TICRR: variants seen among roughly 807,000 people sequenced by gnomAD.
TICRR encodes treslin.
In TICRR, 132 loss-of-function variants were observed where a neutral mutation model predicts 178.1. The observed-to-expected ratio is 0.74, with a 90% CI of 0.64 to 0.86. The LOEUF is 0.86. Ranked by LOEUF, TICRR falls within the 40% of genes least tolerant of loss-of-function variation. TICRR has a pLI of 0.00. For synonymous variants in TICRR, 991 were observed against 900.7 expected (o/e 1.10, Z -1.79); for missense variants, 2,587 against 2,334.3 (o/e 1.11, Z -2.23).
intron 15 of TICRR, among the ~76,000 whole-genome samples, chr15:89,609,364 C>T (rs1202139887): frequency 3.3e-5 from 5 of 152,004 alleles, no homozygotes; most frequent in South Asian, 2.1e-4. Context: ...CTGCCCTCCT[C>T]GGCCTCCCAC....
intron 15 of TICRR, among the ~76,000 whole-genome samples, chr15:89,610,755 A>G (rs764609259): frequency 1.3e-5 from 2 of 151,582 alleles, no homozygotes; most frequent in African/African-American, 4.8e-5. Context: ...TTGTTTCTCA[A>G]TTCCTGTTTT....
chr15:89,601,766 G>A lies in TICRR; in HGVS notation c.2357G>A (p.Gly786Glu). ...LYIDSIPKTL[G>E]NLYNSLGFVI... ...ATTGACTCTATCCCAAAGACACTTG[G>A]AAATCTTTACAACAGCCTAGGGTTT... The change falls in exon 12 of 22, where the codon GGA (glycine) becomes GAA (glutamate). Residue 786 changes from glycine to glutamate, a missense_variant. Gly to Glu is a moderately conservative substitution (Grantham distance 98). Transcript: ENST00000268138. The A allele has an allele frequency of 6.2e-7, 1 of 1,614,136 alleles. No individual in the cohort carries two copies. The highest frequency in any genetic ancestry group is 8.5e-7 in the Non-Finnish European group (1 of 1,180,020).
intron 1 of TICRR, among the ~76,000 whole-genome samples, chr15:89,577,454 C>T (rs1444822663): frequency 6.6e-6 from 1 of 152,024 alleles, no homozygotes. Context: ...GTTTGAGCTG[C>T]TGGGGACATG....
chr15:89,610,080 A>T (rs1029239617), intron 15 of TICRR, among the ~76,000 whole-genome samples: 1 of 152,058 alleles, frequency 6.6e-6, no homozygotes, highest in African/African-American at 2.4e-5. Context: ...GTTTCATTCT[A>T]TTGTTGTAAA....
chr15:89,603,429 G>GA (rs1596049609), intron 13 of TICRR, among the ~76,000 whole-genome samples: 1 of 152,070 alleles, frequency 6.6e-6, no homozygotes, highest in East Asian at 1.9e-4. Flanking sequence ...ATAAAATTAA[G>GA]AAAAAATTAG....
chr15:89,626,585 A>AG (rs1260247326), intron 21 of TICRR, among the ~76,000 whole-genome samples: 1 of 152,124 alleles, frequency 6.6e-6, no homozygotes, highest in Non-Finnish European at 1.5e-5. Context: ...CTAGAATCAA[A>AG]GGGGGAGTGC....
chr15:89,583,526 G>A (rs966071422), intron 2 of TICRR, among the ~76,000 whole-genome samples: 9 of 152,156 alleles, frequency 5.9e-5, no homozygotes, highest in African/African-American at 2.2e-4. Context: ...ATTATGTGCA[G>A]TTTAAGGAAT....
rs900266452 is a variant in TICRR at position 89,586,002 on chromosome 15, C to T, written c.1411+60C>T. The T allele has an allele frequency of 2.0e-5, 26 of 1,332,644 alleles. No homozygotes were observed. In the African/African-American group the frequency reaches 3.0e-4, roughly 15 times the overall value. The allele number at this position is 1,332,644 out of a possible 1,614,324, so 82.6% of individuals were successfully genotyped here. A position where few individuals can be genotyped will look rare whatever the true frequency, so the allele number is the denominator to read the frequency against. On this transcript the variant is annotated intron_variant, in intron 4 of 21. Coordinates refer to ENST00000268138, the MANE Select transcript of TICRR (RefSeq NM_152259.4). The stretch of plus-strand genomic sequence containing the variant: ...GGTGGTTTGCAGTCTTTTCAAGCAT[C>T]GGGACTTTTTCACTGTGCAGTTAGT...
chr15:89,599,278 C>G, intron 7 of TICRR, 46 bp from the exon 8 acceptor site: 1 of 1,491,238 alleles, frequency 6.7e-7, no homozygotes, highest in Non-Finnish European at 9.0e-7. Context: ...AATACAAGGA[C>G]TTGAGCAAGA....
chr15:89,595,524 G>A lies in TICRR; in HGVS notation c.1813G>A (p.Glu605Lys). Residue 605 changes from glutamate (E) to lysine (K), a missense_variant, in exon 7 of 22, where the codon GAG becomes AAG. By Grantham distance (56) the Glu-to-Lys change is moderately conservative. Coordinates refer to ENST00000268138, the MANE Select transcript of TICRR (RefSeq NM_152259.4). ...HPDGSPDVAG[E>K]KGIQKIPSGR... The stretch of plus-strand genomic sequence containing the variant: ...AGATGGCAGTCCGGATGTGGCTGGG[G>A]AGAAAGGAATCCAAAAGATACCTAG... 1 of 1,614,188 alleles carries A rather than the reference G, an allele frequency of 6.2e-7. No individual in the cohort carries two copies. The highest frequency in any genetic ancestry group is 8.5e-7 in the Non-Finnish European group (1 of 1,180,042).
intron 4 of TICRR, chr15:89,591,741 A>G (rs117099058): frequency 0.017 from 3,106 of 177,512 alleles, 42 homozygotes; most frequent in Non-Finnish European, 0.028. Flanking sequence ...AAAAAAATAA[A>G]TAAATAAAAA....
intron 15 of TICRR, among the ~76,000 whole-genome samples, chr15:89,614,925 C>T (rs1963310471): frequency 6.6e-6 from 1 of 152,204 alleles, no homozygotes; most frequent in African/African-American, 2.4e-5. Flanking sequence ...AATTCCACTT[C>T]ACTTTCTGTT....
Position 89,619,775 on chromosome 15 carries a change from C to G in TICRR, c.3087C>G (p.Phe1029Leu). Residue 1029 changes from phenylalanine (F) to leucine (L), a missense_variant, in exon 18 of 22, where the codon TTC (phenylalanine) becomes TTG (leucine). Coordinates refer to ENST00000268138, the MANE Select transcript of TICRR (RefSeq NM_152259.4). ...TTAGCAGGACACATTCTGCCTCCTT[C>G]TATTCTGTGTCTCAGCCGAAGTCTC... ...LSFSRTHSAS[F>L]YSVSQPKSRS... The G allele has an allele frequency of 4.3e-6, 7 of 1,614,018 alleles. No homozygotes were observed. Among genetic ancestry groups the G allele is most frequent in the African/African-American group, 1.3e-5 (1 of 75,040 alleles).
At position 89,627,317 on chromosome 15, in the gene TICRR, A is replaced by G. The variant is rs549610579; in HGVS notation, c.*231A>G. On this transcript the variant is annotated 3_prime_UTR_variant, in exon 22 of 22. Coordinates refer to ENST00000268138, the MANE Select transcript of TICRR (RefSeq NM_152259.4). Reference sequence around the variant, plus strand: ...TGGATGGCAATGTGATTGGTGCTATAACTCAGGCAGCCTGGGAGTCAGGAA... The same window carrying G: ...TGGATGGCAATGTGATTGGTGCTATGACTCAGGCAGCCTGGGAGTCAGGAA... 1.9e-6 allele frequency: 1 copy of G among 513,278 alleles called. No homozygotes were observed. Among genetic ancestry groups the G allele is most frequent in the African/African-American group, 1.9e-5 (1 of 52,390 alleles). The allele number at this position is 513,278 out of a possible 1,614,324, so 31.8% of individuals were successfully genotyped here.
At chr15:89,613,538 C>T (rs867595477) in intron 15 of TICRR, among the ~76,000 whole-genome samples, 19 of 152,156 alleles carry the variant, frequency 1.2e-4, no homozygotes, top group African/African-American at 3.4e-4. Context: ...TCTGGACTTC[C>T]GGTATGTGTG....
intron 13 of TICRR, among the ~76,000 whole-genome samples, chr15:89,606,145 A>G (rs1386483664): frequency 6.6e-6 from 1 of 152,226 alleles, no homozygotes; most frequent in Non-Finnish European, 1.5e-5. Context: ...ATATGCACCA[A>G]TAACACCAAA....
intron 1 of TICRR, among the ~76,000 whole-genome samples, chr15:89,576,682 A>G (rs556101686): frequency 4.6e-5 from 7 of 151,908 alleles, no homozygotes; most frequent in Non-Finnish European, 7.4e-5. Flanking sequence ...ATTGCCATAC[A>G]CATTTTGTGT....
intron 18 of TICRR, 27 bp downstream of exon 18, chr15:89,619,869 C>G (rs1361478929): frequency 1.0e-5 from 16 of 1,581,032 alleles, no homozygotes; most frequent in Non-Finnish European, 1.2e-5. Context: ...TCTGCCTTCA[C>G]AAGTCCGTGC....
rs746129792 is a variant in TICRR, at chr15:89,582,731, C to G, written c.700C>G (p.Leu234Val). The stretch of plus-strand genomic sequence containing the variant: ...CCTTGGATACTGGACTGTTTGTGAA[C>G]TGCTCCACCACGGAGGTGGCACTGT... ...DHLGYWTVCE[L>V]LHHGGGTVLP... Residue 234 changes from leucine to valine, a missense_variant, in exon 2 of 22, where the codon CTG becomes GTG. By Grantham distance (32) the Leu-to-Val change is conservative (BLOSUM62 1). Coordinates refer to ENST00000268138, the MANE Select transcript of TICRR (RefSeq NM_152259.4). 1.7e-5 allele frequency: 28 copies of G among 1,614,196 alleles called. 1 individual carries two copies. The South Asian group carries it at 3.1e-4, about 18-fold the overall frequency.
Sources: allele counts gnomAD v4.1 joint callset (sites outside exome capture counted in the v4.1 genomes callset), GRCh38; gene constraint gnomAD v4.1.1; transcripts MANE v1.5; gene names NCBI Gene and HGNC (gene_info 2026-07-23, HGNC 2026-07-21).